Variants in TRAPPC9 observed in about 807,000 individuals in gnomAD.
TRAPPC9 encodes the protein IKK2 binding protein.
In TRAPPC9, 83 loss-of-function variants were observed where a neutral mutation model predicts 124.0. The ratio of observed to expected loss-of-function variants is 0.67; its 90% CI spans 0.56 to 0.80. TRAPPC9 has a LOEUF of 0.80. Among genes scored for constraint, TRAPPC9 ranks in the 30% least tolerant of loss-of-function variants. TRAPPC9 has a pLI of 0.00. For synonymous variants in TRAPPC9, 638 were observed against 617.5 expected, an observed-to-expected ratio of 1.03 and a Z score of -0.49; for missense variants, 1,302 against 1,508.3, an observed-to-expected ratio of 0.86 and a Z score of 2.27.
chr8:140,410,330 G>A (rs1253497174), intron 5 of TRAPPC9, among the ~76,000 whole-genome samples: 2 of 151,936 alleles, frequency 1.3e-5, no homozygotes, highest in East Asian at 1.9e-4. Context: ...GAGGCCAGGA[G>A]TTCAAGACCA....
intron 21 of TRAPPC9, among the ~76,000 whole-genome samples, chr8:139,847,609 C>T (rs181269614): frequency 1.7e-3 from 261 of 151,114 alleles, no homozygotes; most frequent in African/African-American, 6.1e-3. Flanking sequence ...GCCTCCCAGG[C>T]GACCCAGCCT....
intron 21 of TRAPPC9, among the ~76,000 whole-genome samples, chr8:139,879,624 C>T (rs1300353294): frequency 1.3e-5 from 2 of 152,182 alleles, no homozygotes; most frequent in African/African-American, 4.8e-5. Context: ...CAGGCTGCTC[C>T]GGCCCCCGCA....
At chr8:140,065,040 C>G (rs932942439) in intron 17 of TRAPPC9, among the ~76,000 whole-genome samples, 1 of 152,214 alleles carries the variant, frequency 6.6e-6, no homozygotes, top group Admixed American at 6.5e-5. Flanking sequence ...GGTTGGTGAT[C>G]TTGGCAGTAA....
At chr8:140,081,617 A>G (rs2130006334) in intron 17 of TRAPPC9, among the ~76,000 whole-genome samples, 1 of 152,312 alleles carries the variant, frequency 6.6e-6, no homozygotes, top group Admixed American at 6.5e-5. Context: ...AAGTGCTGGG[A>G]TGACAGGCGT....
chr8:140,315,691 T>A (rs1218801290), intron 9 of TRAPPC9, among the ~76,000 whole-genome samples: 26 of 152,216 alleles, frequency 1.7e-4, no homozygotes, highest in Admixed American at 1.7e-3. Context: ...CAAAATCAAA[T>A]TATAAATTAT....
chr8:139,764,202 G>T (rs969218186), intron 21 of TRAPPC9, among the ~76,000 whole-genome samples: 13 of 152,156 alleles, frequency 8.5e-5, no homozygotes, highest in African/African-American at 2.9e-4. Flanking sequence ...CCTGGGGTGG[G>T]TGTGCTCGAG....
At chr8:140,286,389 C>G (rs2065484623) in intron 13 of TRAPPC9, among the ~76,000 whole-genome samples, 1 of 152,166 alleles carries the variant, frequency 6.6e-6, no homozygotes. Flanking sequence ...GGGGCATATT[C>G]ACACTAGGAA....
intron 17 of TRAPPC9, among the ~76,000 whole-genome samples, chr8:140,165,974 T>A (rs1008459532): frequency 1.8e-4 from 27 of 152,176 alleles, no homozygotes; most frequent in African/African-American, 6.5e-4. Context: ...CCTCCCTCGA[T>A]GTCTGGAGCA....
chr8:139,760,723 T>G (rs1820163222), intron 21 of TRAPPC9, among the ~76,000 whole-genome samples: 3 of 152,210 alleles, frequency 2.0e-5, no homozygotes, highest in Admixed American at 2.0e-4. Context: ...AAGTCACTTC[T>G]TACGTGGATG....
At chr8:140,198,996 A>G (rs2062725594) in intron 17 of TRAPPC9, among the ~76,000 whole-genome samples, 1 of 152,162 alleles carries the variant, frequency 6.6e-6, no homozygotes, top group Non-Finnish European at 1.5e-5. Context: ...ACGCGGCAAC[A>G]CCCGGCACAG....
chr8:140,336,106 T>C (rs529620833), intron 9 of TRAPPC9, among the ~76,000 whole-genome samples: 1 of 152,332 alleles, frequency 6.6e-6, no homozygotes, highest in South Asian at 2.1e-4. Flanking sequence ...ACTTTTGATG[T>C]ATAACTAACT....
chr8:139,910,006 T>C, intron 20 of TRAPPC9, 141 bp downstream of exon 20: 1 of 942,402 alleles, frequency 1.1e-6, no homozygotes, highest in Admixed American at 2.4e-5. Flanking sequence ...GCCAAGCCTT[T>C]GGTCCACATC....
chr8:140,133,887 G>GA (rs921321404), intron 17 of TRAPPC9, among the ~76,000 whole-genome samples: 23 of 146,214 alleles, frequency 1.6e-4, no homozygotes, highest in South Asian at 2.2e-4. Flanking sequence ...AACATTGCTT[G>GA]AAAAAAAAAA....
At chr8:139,792,152 A>G (rs1294774214) in intron 21 of TRAPPC9, among the ~76,000 whole-genome samples, 1 of 152,084 alleles carries the variant, frequency 6.6e-6, no homozygotes, top group Non-Finnish European at 1.5e-5. Context: ...AGGGGTAGAG[A>G]GCACAGTCCC....
At chr8:140,137,568 G>C (rs2061324912) in intron 17 of TRAPPC9, among the ~76,000 whole-genome samples, 1 of 152,236 alleles carries the variant, frequency 6.6e-6, no homozygotes, top group African/African-American at 2.4e-5. Context: ...GTGACGGTCG[G>C]GGTCAAGCCA....
chr8:139,760,827 C>T (rs539141568), intron 21 of TRAPPC9, among the ~76,000 whole-genome samples: 9 of 152,332 alleles, frequency 5.9e-5, no homozygotes, highest in South Asian at 2.1e-4. Flanking sequence ...GAGAACAGCA[C>T]GGGAAAGACC....
chr8:140,132,792 C>A (rs77418805), intron 17 of TRAPPC9, among the ~76,000 whole-genome samples: 8 of 150,214 alleles, frequency 5.3e-5, no homozygotes, highest in African/African-American at 1.2e-4. Context: ...GAGGCCAAGT[C>A]GGAGGAGGAG....
intron 6 of TRAPPC9, among the ~76,000 whole-genome samples, chr8:140,401,416 A>G (rs923400120): frequency 1.3e-5 from 2 of 152,230 alleles, no homozygotes; most frequent in African/African-American, 4.8e-5. Context: ...ATGAAGTCAG[A>G]AATCTATCAA....
intron 6 of TRAPPC9, among the ~76,000 whole-genome samples, chr8:140,404,352 C>T (rs529479823): frequency 9.2e-5 from 14 of 152,160 alleles, no homozygotes; most frequent in Non-Finnish European, 1.6e-4. Flanking sequence ...TATCCATCCA[C>T]GAGAGAATAA....
Sources: allele counts gnomAD v4.1 joint callset (sites outside exome capture counted in the v4.1 genomes callset), GRCh38; gene constraint gnomAD v4.1.1; transcripts MANE v1.5; gene names NCBI Gene and HGNC (gene_info 2026-07-23, HGNC 2026-07-21).